The following MAF variants were observed in gnomAD, a reference collection of about 807,000 sequenced individuals.
The protein encoded by MAF is MAF bZIP transcription factor.
In MAF, 10 loss-of-function variants were observed where a neutral mutation model predicts 22.0. That is an observed-to-expected ratio of 0.45 (90% CI 0.28 to 0.77). The LOEUF (loss-of-function observed/expected upper bound fraction) is 0.77. Ranked by LOEUF, MAF falls within the 30% of genes least tolerant of loss-of-function variation. The pLI, the probability that MAF is intolerant of heterozygous loss-of-function variation, is 0.12. For synonymous variants in MAF, 337 were observed against 255.8 expected (o/e 1.32, Z -3.03); for missense variants, 544 against 548.4 (o/e 0.99, Z 0.08).
the MAF span, among the ~76,000 whole-genome samples, chr16:79,347,824 C>T: frequency 2.6e-5 from 4 of 152,180 alleles, no homozygotes; most frequent in African/African-American, 9.7e-5. Flanking sequence ...AGGTCAGACT[C>T]AGGAACCATG....
At chr16:79,228,658 G>A in the MAF span, among the ~76,000 whole-genome samples, 91 of 152,166 alleles carry the variant, frequency 6.0e-4, no homozygotes, top group African/African-American at 2.0e-3. Flanking sequence ...AGACAGGCAT[G>A]AAAGATAGAG....
At chr16:79,283,996 C>T in the MAF span, among the ~76,000 whole-genome samples, 2 of 25,402 alleles carry the variant, frequency 7.9e-5, no homozygotes, top group South Asian at 4.0e-3. Flanking sequence ...GACAAAGCCC[C>T]ATAGTAGTGA....
the MAF span, among the ~76,000 whole-genome samples, chr16:79,243,823 T>C: frequency 6.6e-6 from 1 of 151,998 alleles, no homozygotes; most frequent in East Asian, 1.9e-4. Flanking sequence ...CTCAATAAAA[T>C]ACTGGCAAAC....
At chr16:79,397,298 C>A in the MAF span, among the ~76,000 whole-genome samples, 2 of 152,190 alleles carry the variant, frequency 1.3e-5, no homozygotes, top group East Asian at 3.9e-4. Flanking sequence ...GGGATCTCAT[C>A]AATGTGTGGA....
At chr16:79,460,720 A>G in the MAF span, among the ~76,000 whole-genome samples, 1 of 152,198 alleles carries the variant, frequency 6.6e-6, no homozygotes, top group African/African-American at 2.4e-5. Context: ...CCTACCTTCT[A>G]AGACCTTGAT....
the MAF span, among the ~76,000 whole-genome samples, chr16:79,529,014 G>C: frequency 6.6e-6 from 1 of 152,178 alleles, no homozygotes; most frequent in African/African-American, 2.4e-5. Context: ...AAAGGAGCTC[G>C]AGCTGTCAGG....
At chr16:79,518,153 G>A in the MAF span, among the ~76,000 whole-genome samples, 1 of 152,244 alleles carries the variant, frequency 6.6e-6, no homozygotes, top group Non-Finnish European at 1.5e-5. Context: ...TTTGGCAGGT[G>A]AAGAAGTAGA....
the MAF span, among the ~76,000 whole-genome samples, chr16:79,216,314 T>C: frequency 2.0e-5 from 3 of 152,248 alleles, no homozygotes; most frequent in African/African-American, 7.2e-5. Flanking sequence ...ATAACACATA[T>C]ATGTGGCACA....
chr16:79,457,007 G>A, the MAF span, among the ~76,000 whole-genome samples: 1 of 152,016 alleles, frequency 6.6e-6, no homozygotes, highest in South Asian at 2.1e-4. Flanking sequence ...GGGCTTATAA[G>A]AAATTTGGGT....
chr16:79,433,001 A>C, the MAF span, among the ~76,000 whole-genome samples: 1 of 152,148 alleles, frequency 6.6e-6, no homozygotes, highest in Non-Finnish European at 1.5e-5. Flanking sequence ...CAGCCTAGCA[A>C]ACTAATACAC....
At chr16:79,446,925 T>TA in the MAF span, among the ~76,000 whole-genome samples, 16 of 150,210 alleles carry the variant, frequency 1.1e-4, no homozygotes, top group Non-Finnish European at 2.1e-4. Context: ...CAAGAAAAAT[T>TA]AAAAAAAAGA....
the MAF span, among the ~76,000 whole-genome samples, chr16:79,417,163 C>G: frequency 6.6e-6 from 1 of 152,178 alleles, no homozygotes; most frequent in Non-Finnish European, 1.5e-5. Flanking sequence ...GTGCCTGCAG[C>G]CGACCCCTTC....
chr16:79,368,026 G>A, the MAF span, among the ~76,000 whole-genome samples: 1 of 152,186 alleles, frequency 6.6e-6, no homozygotes. Flanking sequence ...AGTGCAGAAA[G>A]ATCCTGGCTG....
the MAF span, among the ~76,000 whole-genome samples, chr16:79,539,938 T>C: frequency 6.6e-6 from 1 of 152,166 alleles, no homozygotes; most frequent in Non-Finnish European, 1.5e-5. Context: ...TCCTATATCC[T>C]TTACTGTAAG....
At chr16:79,436,970 TCTGA>T in the MAF span, among the ~76,000 whole-genome samples, 1 of 152,178 alleles carries the variant, frequency 6.6e-6, no homozygotes, top group Non-Finnish European at 1.5e-5. Context: ...AAGTGAGAGA[TCTGA>T]CTATTTGTTC....
the MAF span, among the ~76,000 whole-genome samples, chr16:79,447,210 A>G: frequency 6.6e-6 from 1 of 152,152 alleles, no homozygotes; most frequent in African/African-American, 2.4e-5. Context: ...GTTCCTTAAG[A>G]ATGATGCTAA....
chr16:79,455,306 A>C, the MAF span, among the ~76,000 whole-genome samples: 2 of 151,940 alleles, frequency 1.3e-5, no homozygotes, highest in African/African-American at 2.4e-5. Flanking sequence ...TTTGGGGTAA[A>C]TAAATAAATA....
chr16:79,490,292 T>C, the MAF span, among the ~76,000 whole-genome samples: 14 of 152,154 alleles, frequency 9.2e-5, no homozygotes, highest in Non-Finnish European at 2.9e-5. Context: ...ATAGCCAGCC[T>C]TTCAAACGAG....
At chr16:79,464,942 A>G in the MAF span, among the ~76,000 whole-genome samples, 1 of 152,212 alleles carries the variant, frequency 6.6e-6, no homozygotes, top group Non-Finnish European at 1.5e-5. Context: ...AAATGACCTC[A>G]AAAGAATGTG....
Sources: gnomAD v4.1 joint callset for allele counts (sites outside exome capture counted in the v4.1 genomes callset) on GRCh38, gnomAD v4.1.1 for gene constraint, MANE v1.5 for transcripts, NCBI Gene and HGNC (gene_info 2026-07-23, HGNC 2026-07-21) for gene names.